The following PLCH1 variants were observed in gnomAD, a reference collection of about 807,000 sequenced individuals.
PLCH1 encodes 1-phosphatidylinositol 4,5-bisphosphate phosphodiesterase eta-1.
In PLCH1, 60 loss-of-function variants were observed where a neutral mutation model predicts 126.7. That is an observed-to-expected ratio of 0.47 (90% confidence interval 0.38 to 0.59). PLCH1 has a LOEUF of 0.59. Among genes scored for constraint, PLCH1 ranks in the 20% least tolerant of loss-of-function variants. The pLI is 0.00. For missense variants in PLCH1, 1,723 were observed against 2,040.0 expected (o/e 0.84, Z 2.99); for synonymous variants, 719 against 734.9 (o/e 0.98, Z 0.35).
rs772194127 is a variant in PLCH1, at chr3:155,523,906, C to T, written c.1461G>A (p.Lys487=). The T allele has an allele frequency of 6.4e-7, 1 of 1,573,610 alleles. No individual in the cohort carries two copies. The highest frequency in any genetic ancestry group is 1.1e-5 in the South Asian group (1 of 87,742). ...ADEIEDECKF[K]LHYSNGTTEH... is the part of the protein sequence containing the mutation. The stretch of plus-strand genomic sequence containing the variant: ...CATGCCTGCAACTTACATAATGGAG[C>T]TTGAATTTGCACTCGTCTTCAATTT... Residue 487 remains lysine (K), a synonymous_variant, in exon 11 of 23, where the codon AAG becomes AAA. Transcript: ENST00000460012.
intron 1 of PLCH1, among the ~76,000 whole-genome samples, chr3:155,729,924 CAAA>C (rs11380418): frequency 2.6e-5 from 3 of 116,350 alleles, no homozygotes; most frequent in Admixed American, 8.9e-5. Flanking sequence ...GACTCCATCT[CAAA>C]AAAAAAAAAA....
chr3:155,485,242 A>C, intron 22 of PLCH1, 114 bp downstream of exon 22: 1 of 664,724 alleles, frequency 1.5e-6, no homozygotes, highest in East Asian at 2.7e-5. Context: ...CAAAGTATTT[A>C]TTTTTCAGTA....
chr3:155,528,389 T>C (rs751575993), intron 10 of PLCH1, among the ~76,000 whole-genome samples: 17 of 152,192 alleles, frequency 1.1e-4, no homozygotes, highest in Non-Finnish European at 2.5e-4. Context: ...TTAGGAACAT[T>C]TGTAGAGTAG....
chr3:155,598,001 T>C (rs1353845000), intron 2 of PLCH1, among the ~76,000 whole-genome samples: 1 of 151,976 alleles, frequency 6.6e-6, no homozygotes, highest in Non-Finnish European at 1.5e-5. Context: ...CTGGCCAACA[T>C]GGTGAAACCC....
At position 155,485,405 on chromosome 3, in the gene PLCH1, C is replaced by G; in HGVS notation, c.2925G>C (p.Leu975=). The G allele has an allele frequency of 6.2e-7, 1 of 1,610,070 alleles. No homozygotes were observed. The highest frequency in any genetic ancestry group is 8.5e-7 in the Non-Finnish European group (1 of 1,176,470). ...TGTCTTTTGCTGTTTCAGATACAGG[C>G]AGCGACAAAGCTCCCAGAAGGTTTC... ...VDRNLLGALS[L]PVSETAKDIE... is the part of the protein sequence containing the mutation. The change falls in exon 22 of 23, where the codon CTG becomes CTC. Residue 975 remains leucine (L), a synonymous_variant. Transcript: ENST00000460012.
chr3:155,694,911 C>G (rs1745680489), intron 2 of PLCH1, among the ~76,000 whole-genome samples: 1 of 150,280 alleles, frequency 6.7e-6, no homozygotes, highest in South Asian at 2.1e-4. Flanking sequence ...GTACCCCAAC[C>G]CCAGGCCTCT....
intron 2 of PLCH1, among the ~76,000 whole-genome samples, chr3:155,694,222 CACT>C (rs1428506914): frequency 2.0e-5 from 3 of 152,068 alleles, no homozygotes; most frequent in Non-Finnish European, 2.9e-5. Context: ...ATTGGCTGCC[CACT>C]AGAATCACAT....
chr3:155,554,578 G>C (rs1726565507), intron 8 of PLCH1, among the ~76,000 whole-genome samples: 1 of 151,978 alleles, frequency 6.6e-6, no homozygotes, highest in Non-Finnish European at 1.5e-5. Context: ...AGGTTATGAA[G>C]GTCTTTTAGA....
At chr3:155,651,086 G>T (rs781439693) in intron 2 of PLCH1, among the ~76,000 whole-genome samples, 1 of 152,144 alleles carries the variant, frequency 6.6e-6, no homozygotes, top group Non-Finnish European at 1.5e-5. Context: ...CTGTTGGCTG[G>T]ATTTAAAAGG....
chr3:155,671,592 G>A (rs1237671888), intron 2 of PLCH1, among the ~76,000 whole-genome samples: 3 of 152,156 alleles, frequency 2.0e-5, no homozygotes, highest in African/African-American at 4.8e-5. Flanking sequence ...GAAGTTAGGA[G>A]GGATAAAAGA....
At chr3:155,475,022 A>T (rs1175962153), downstream of PLCH1, among the ~76,000 whole-genome samples, 1 of 148,276 alleles carries the variant, frequency 6.7e-6, no homozygotes, top group African/African-American at 2.5e-5. Flanking sequence ...GCACATGTAT[A>T]CATATGTAAC....
At chr3:155,523,757 C>A in intron 11 of PLCH1, 140 bp downstream of exon 11, 1 of 562,272 alleles carries the variant, frequency 1.8e-6, no homozygotes, top group East Asian at 3.2e-5. Flanking sequence ...TATGTGCCAG[C>A]AAATAAAGTA....
At chr3:155,628,720 C>T (rs545612070) in intron 2 of PLCH1, among the ~76,000 whole-genome samples, 2 of 152,168 alleles carry the variant, frequency 1.3e-5, no homozygotes, top group South Asian at 4.2e-4. Context: ...TATCTTTTCT[C>T]TTCTACAATA....
At chr3:155,464,567 T>C (rs1712859529) in intron 21 of PLCH1, among the ~76,000 whole-genome samples, 1 of 152,120 alleles carries the variant, frequency 6.6e-6, no homozygotes, top group Non-Finnish European at 1.5e-5. Flanking sequence ...TCCTGGATTC[T>C]GCAGTTCTAT....
At chr3:155,647,071 C>T (rs181179435) in intron 2 of PLCH1, among the ~76,000 whole-genome samples, 16 of 152,206 alleles carry the variant, frequency 1.1e-4, no homozygotes, top group Admixed American at 3.3e-4. Flanking sequence ...TGCAGCTGCA[C>T]AAAATTAACC....
intron 2 of PLCH1, among the ~76,000 whole-genome samples, chr3:155,678,318 G>C (rs1330988621): frequency 6.6e-6 from 1 of 152,140 alleles, no homozygotes; most frequent in Non-Finnish European, 1.5e-5. Context: ...AGTGGCTCTG[G>C]GGCACCGTTG....
At chr3:155,528,088 G>T (rs530584037) in intron 10 of PLCH1, among the ~76,000 whole-genome samples, 5 of 151,952 alleles carry the variant, frequency 3.3e-5, no homozygotes, top group Non-Finnish European at 5.9e-5. Flanking sequence ...GCCAGGCATG[G>T]TGGCAGGCAC....
At chr3:155,464,874 G>T (rs1277081915) in intron 21 of PLCH1, among the ~76,000 whole-genome samples, 1 of 152,166 alleles carries the variant, frequency 6.6e-6, no homozygotes, top group Admixed American at 6.5e-5. Context: ...ACTTTGGGAG[G>T]CCAAGGCAGG....
At chr3:155,567,984 C>T (rs891996742) in intron 7 of PLCH1, among the ~76,000 whole-genome samples, 4 of 152,154 alleles carry the variant, frequency 2.6e-5, no homozygotes, top group Non-Finnish European at 4.4e-5. Context: ...ATCCATCACA[C>T]GTGGTGGTAC....
Sources: gnomAD v4.1 joint callset for allele counts (sites outside exome capture counted in the v4.1 genomes callset) on GRCh38, gnomAD v4.1.1 for gene constraint, MANE v1.5 for transcripts, NCBI Gene and HGNC (gene_info 2026-07-23, HGNC 2026-07-21) for gene names.